ABCC5: variants seen among roughly 807,000 people sequenced by gnomAD.
ABCC5 encodes ATP-binding cassette sub-family C member 5.
ABCC5 carries 61 observed loss-of-function variants against 160.9 expected under a neutral mutation model. The ratio of observed to expected loss-of-function variants is 0.38; its 90% CI spans 0.31 to 0.47. The LOEUF (loss-of-function observed/expected upper bound fraction) is 0.47, where lower values mean the gene tolerates loss of function less well. Ranked by LOEUF, ABCC5 falls within the 20% of genes least tolerant of loss-of-function variation. The pLI is 0.99. For missense variants in ABCC5, 1,308 were observed against 1,813.3 expected, an observed-to-expected ratio of 0.72 and a Z score of 5.06; for synonymous variants, 666 against 700.6, an observed-to-expected ratio of 0.95 and a Z score of 0.78.
chr3:183,934,412 A>G (rs559590588), intron 26 of ABCC5, among the ~76,000 whole-genome samples: 1 of 152,260 alleles, frequency 6.6e-6, no homozygotes, highest in Non-Finnish European at 1.5e-5. Flanking sequence ...CTCAGTGTCT[A>G]CTACAGACTA....
chr3:184,004,755 T>A (rs1721043253), intron 2 of ABCC5, among the ~76,000 whole-genome samples: 2 of 152,102 alleles, frequency 1.3e-5, no homozygotes, highest in African/African-American at 4.8e-5. Context: ...CTGCTCAATA[T>A]CATACCTGCA....
chr3:183,954,155 TG>T (rs1275437437), intron 17 of ABCC5, among the ~76,000 whole-genome samples: 2 of 117,226 alleles, frequency 1.7e-5, no homozygotes, highest in East Asian at 5.2e-4. Flanking sequence ...TTTGTGTGTG[TG>T]TTTTTTTTTG....
chr3:183,946,017 T>C lies in ABCC5; in HGVS notation c.3415-78A>G. ...GGCCAATGCTGGAGAACTTCCTTCA[T>C]CTAGAGGACTACTAAGAACTGAGCA... is the stretch of plus-strand genomic sequence containing the variant. On this transcript the variant is annotated intron_variant, in intron 23 of 29. Coordinates refer to ENST00000334444, the MANE Select transcript of ABCC5 (RefSeq NM_005688.4). 4.6e-6 allele frequency: 6 copies of C among 1,297,878 alleles called. 1 individual carries two copies. The South Asian group carries it at 7.1e-5, about 15-fold the overall frequency. The allele number at this position is 1,297,878 out of a possible 1,614,324, so 80.4% of individuals were successfully genotyped here.
chr3:184,015,151 A>G (rs1185882274), intron 1 of ABCC5, among the ~76,000 whole-genome samples: 2 of 152,228 alleles, frequency 1.3e-5, no homozygotes, highest in Non-Finnish European at 1.5e-5. Flanking sequence ...TATAAATCCT[A>G]TGGCAACAAA....
Position 183,987,286 on chromosome 3 carries a change from C to T in ABCC5, c.591+484G>A. 4.0e-6 allele frequency: 1 copy of T among 251,168 alleles called. No individual in the cohort carries two copies. Among genetic ancestry groups the T allele is most frequent in the Non-Finnish European group, 7.7e-6 (1 of 129,048 alleles). 15.6% of individuals were successfully genotyped at this position (251,168 alleles called of 1,614,324 possible). On this transcript the variant is annotated intron_variant, in intron 5 of 29. Transcript: ENST00000334444. The surrounding 1 kb of genome is among the most constrained non-coding windows in gnomAD (Gnocchi z 4.2). ...ACACTATAAGCCAAACTTAAACGGA[C>T]TCCAGGTCAGACTCTAAAATCCTCG...
chr3:183,981,925 A>G, intron 7 of ABCC5, 51 bp from the exon 8 acceptor site: 1 of 1,564,762 alleles, frequency 6.4e-7, no homozygotes, highest in Non-Finnish European at 8.6e-7. Flanking sequence ...CAAACTTGAG[A>G]ACTACCTAAT....
chr3:183,978,670 C>T lies in ABCC5; in HGVS notation c.1148-19G>A, dbSNP rs755715676. 1.1e-5 allele frequency: 18 copies of T among 1,609,982 alleles called. No individual in the cohort carries two copies. Among genetic ancestry groups the T allele is most frequent in the Non-Finnish European group, 1.4e-5 (17 of 1,178,054 alleles). The stretch of plus-strand genomic sequence containing the variant: ...CGGATTTCTATGAATAAAAAGCAAG[C>T]CAATTTCAAAGCAAGTTAAAAGAAG... On this transcript the variant is annotated intron_variant, in intron 8 of 29. Coordinates refer to ENST00000334444, the MANE Select transcript of ABCC5 (RefSeq NM_005688.4).
intron 11 of ABCC5, 89 bp downstream of exon 11, chr3:183,971,474 T>G (rs1016280839): frequency 3.9e-6 from 5 of 1,267,540 alleles, no homozygotes; most frequent in Non-Finnish European, 5.5e-6. Flanking sequence ...ACAAAGCACT[T>G]TGTGAAAAGG....
intron 2 of ABCC5, among the ~76,000 whole-genome samples, chr3:183,997,238 A>G (rs182246764): frequency 2.6e-5 from 4 of 152,370 alleles, no homozygotes; most frequent in African/African-American, 9.6e-5. Context: ...CATAGTAAAT[A>G]CAGTGATTTC....
chr3:183,942,404 T>A (rs1163371886), intron 25 of ABCC5: 3 of 510,522 alleles, frequency 5.9e-6, no homozygotes, highest in African/African-American at 1.9e-5. Context: ...ACCTACATAT[T>A]ACTAGAGGAA....
rs1715358597 is a variant in ABCC5, at chr3:183,951,629, A to G, written c.2815-59T>C. The G allele has an allele frequency of 1.3e-6, 2 of 1,590,382 alleles. No homozygotes were observed. Among genetic ancestry groups the G allele is most frequent in the Non-Finnish European group, 1.7e-6 (2 of 1,167,980 alleles). ...GGGACGGCTCTGTTCCTACTGGTCC[A>G]GAGAACCGCTCCGCAGCACATCCAC... On this transcript the variant is annotated intron_variant, in intron 19 of 29. Coordinates refer to ENST00000334444, the MANE Select transcript of ABCC5 (RefSeq NM_005688.4). This position sits in a 1 kb window ranked among gnomAD's most constrained non-coding sequence, Gnocchi z 4.7.
chr3:184,005,590 T>C lies in ABCC5; in HGVS notation c.129+8674A>G, dbSNP rs1410406119. On this transcript the variant is annotated intron_variant, in intron 2 of 29. Coordinates refer to ENST00000334444, the MANE Select transcript of ABCC5 (RefSeq NM_005688.4). ...TTTCTTTGCGTTGACCTTTTTATTTTTGACTAAAAGAGAGGGAAAAACGGT... is the reference window on the plus strand; with the variant it reads ...TTTCTTTGCGTTGACCTTTTTATTTCTGACTAAAAGAGAGGGAAAAACGGT... Among the ~76,000 whole-genome samples the C allele has an allele frequency of 5.1e-5, 7 of 137,344 alleles. No individual in the cohort carries two copies. The Admixed American group carries it at 5.1e-4, about 10-fold the overall frequency. 90.1% of individuals were successfully genotyped at this position (137,344 alleles called of 152,430 possible). A position where few individuals can be genotyped will look rare whatever the true frequency, so the allele number is the denominator to read the frequency against.
In ABCC5 at chr3:183,921,462, A is replaced by G; in HGVS notation, c.4213-61T>C. The G allele has an allele frequency of 1.3e-6, 2 of 1,512,854 alleles. No individual in the cohort carries two copies. The highest frequency in any genetic ancestry group is 1.8e-6 in the Non-Finnish European group (2 of 1,118,308). 93.7% of individuals were successfully genotyped at this position (1,512,854 alleles called of 1,614,324 possible). On this transcript the variant is annotated intron_variant, in intron 29 of 29. Transcript: ENST00000334444. The surrounding 1 kb of genome is among the most constrained non-coding windows in gnomAD (Gnocchi z 4.1). ...TGGGTCATGCAGGGTGATTCAGAGG[A>G]TCCACGGCTCAGTAAGTGCCAGTGC...
intron 2 of ABCC5, among the ~76,000 whole-genome samples, chr3:184,003,095 C>A (rs927942134): frequency 2.0e-5 from 3 of 152,096 alleles, no homozygotes; most frequent in Non-Finnish European, 4.4e-5. Flanking sequence ...CCAAGAAAAC[C>A]ATTTCTACAG....
At chr3:184,008,099 C>T (rs1721387613) in intron 2 of ABCC5, among the ~76,000 whole-genome samples, 1 of 142,746 alleles carries the variant, frequency 7.0e-6, no homozygotes, top group Non-Finnish European at 1.5e-5. Flanking sequence ...ATCTAAATTA[C>T]AGTCATCTAT....
intron 2 of ABCC5, among the ~76,000 whole-genome samples, chr3:183,991,933 G>A (rs1375455393): frequency 3.3e-5 from 5 of 152,156 alleles, no homozygotes; most frequent in Non-Finnish European, 7.4e-5. Flanking sequence ...GTAGAAACTG[G>A]GAATCTGTAC....
chr3:183,985,148 A>G, intron 5 of ABCC5: 1 of 745,098 alleles, frequency 1.3e-6, no homozygotes, highest in Non-Finnish European at 2.2e-6. Flanking sequence ...GGGGATAAAG[A>G]AAAAAGAGGT....
chr3:183,951,870 A>G lies in ABCC5; in HGVS notation c.2801T>C (p.Val934Ala), dbSNP rs1715387391. Residue 934 changes from valine (V) to alanine (A), a missense_variant, in exon 19 of 30, where the codon GTT (valine) becomes GCT (alanine). By Grantham distance (64) the Val-to-Ala change is moderately conservative. This residue lies in a region of ABCC5 where 1,142 missense variants were observed against 1,527.1 expected (regional missense o/e 0.75). Coordinates refer to ENST00000334444, the MANE Select transcript of ABCC5 (RefSeq NM_005688.4). This position sits in a 1 kb window ranked among gnomAD's most constrained non-coding sequence, Gnocchi z 4.7. ...VMLILKAIRG[V>A]VFVKGTLRAS... ...ACCAATGCATACCTTGACAAAGACA[A>G]CTCCTCGAATGGCTTTCAGGATCAG... The G allele has an allele frequency of 6.2e-7, 1 of 1,613,260 alleles. No individual in the cohort carries two copies. Among genetic ancestry groups the G allele is most frequent in the Non-Finnish European group, 8.5e-7 (1 of 1,179,594 alleles).
intron 27 of ABCC5, 69 bp from the exon 28 acceptor site, chr3:183,927,512 A>G (rs759154648): frequency 2.6e-4 from 400 of 1,538,704 alleles, no homozygotes; most frequent in Non-Finnish European, 3.3e-4. Context: ...ATCCAAGGAC[A>G]GAAAGAAATG....
Sources: allele counts gnomAD v4.1 joint callset (sites outside exome capture counted in the v4.1 genomes callset), GRCh38; gene constraint gnomAD v4.1.1; regional missense constraint gnomAD v4.1.1; non-coding constraint Gnocchi (gnomAD v3.1); transcripts MANE v1.5; gene names NCBI Gene and HGNC (gene_info 2026-07-23, HGNC 2026-07-21).